Variants in RALYL observed in about 807,000 individuals in gnomAD.
RALYL encodes RALY RNA binding protein like, also known as RNA-binding Raly-like protein.
A neutral mutation model predicts 35.1 loss-of-function variants in RALYL; 29 were observed. The ratio of observed to expected loss-of-function variants is 0.83; its 90% confidence interval spans 0.61 to 1.13. RALYL has a LOEUF of 1.13. RALYL is among the 50% of genes most tolerant of loss of function. The probability of loss-of-function intolerance (pLI) is 0.00; values close to 1 mark genes in which losing one functional copy is unlikely to be tolerated. For synonymous variants in RALYL, 120 were observed against 127.6 expected, an observed-to-expected ratio of 0.94 and a Z score of 0.40; for missense variants, 359 against 360.4, an observed-to-expected ratio of 1.00 and a Z score of 0.03.
At chr8:84,810,219 TCC>T (rs1825605423) in intron 4 of RALYL, among the ~76,000 whole-genome samples, 1 of 152,182 alleles carries the variant, frequency 6.6e-6, no homozygotes, top group Admixed American at 6.5e-5. Context: ...TTTTTAAATT[TCC>T]ATCTTAATTT....
At chr8:84,802,761 C>A (rs919170847) in intron 3 of RALYL, among the ~76,000 whole-genome samples, 1 of 152,110 alleles carries the variant, frequency 6.6e-6, no homozygotes, top group Admixed American at 6.5e-5. Flanking sequence ...GCAGTACTTG[C>A]CCAAAGGAAG....
chr8:84,901,456 A>G (rs968585546), intron 8 of RALYL, among the ~76,000 whole-genome samples: 7 of 152,188 alleles, frequency 4.6e-5, no homozygotes, highest in African/African-American at 1.7e-4. Flanking sequence ...CAAGTAAAAA[A>G]CAAATCAAGA....
At chr8:84,387,696 T>C (rs993928579) in intron 1 of RALYL, among the ~76,000 whole-genome samples, 1 of 151,838 alleles carries the variant, frequency 6.6e-6, no homozygotes, top group East Asian at 2.0e-4. Context: ...ACAAAGGACA[T>C]ATTCGCTTTA....
At chr8:84,588,116 G>C (rs2130440004) in intron 2 of RALYL, among the ~76,000 whole-genome samples, 1 of 152,244 alleles carries the variant, frequency 6.6e-6, no homozygotes, top group African/African-American at 2.4e-5. Context: ...ACTCTCCTCA[G>C]CTGGTGAAGT....
At chr8:84,442,842 C>T (rs1426365705) in intron 1 of RALYL, among the ~76,000 whole-genome samples, 1 of 152,140 alleles carries the variant, frequency 6.6e-6, no homozygotes, top group African/African-American at 2.4e-5. Flanking sequence ...TGACAGCCAG[C>T]ATCTTCTGTT....
At chr8:84,322,361 GAACA>G (rs1245623899) in intron 1 of RALYL, among the ~76,000 whole-genome samples, 4 of 152,088 alleles carry the variant, frequency 2.6e-5, no homozygotes, top group Admixed American at 2.6e-4. Context: ...TAGGTAGGAG[GAACA>G]AAGAATAAAG....
intron 8 of RALYL, among the ~76,000 whole-genome samples, chr8:84,915,897 C>G (rs905421888): frequency 6.6e-6 from 1 of 152,022 alleles, no homozygotes; most frequent in Admixed American, 6.6e-5. Flanking sequence ...ATCTGTGTGT[C>G]TAGATGTTAA....
chr8:84,740,133 G>T (rs948246595), intron 2 of RALYL, among the ~76,000 whole-genome samples: 10 of 151,992 alleles, frequency 6.6e-5, no homozygotes, highest in Non-Finnish European at 1.5e-4. Context: ...AGATGGAAAA[G>T]TGTCTTTAAG....
At chr8:84,328,699 A>G (rs1404931676) in intron 1 of RALYL, among the ~76,000 whole-genome samples, 6 of 152,168 alleles carry the variant, frequency 3.9e-5, no homozygotes, top group Non-Finnish European at 7.3e-5. Context: ...TGGGATACAA[A>G]AGATCCTGTC....
chr8:84,859,638 C>A (rs1302873468), intron 5 of RALYL, among the ~76,000 whole-genome samples: 1 of 152,050 alleles, frequency 6.6e-6, no homozygotes, highest in East Asian at 1.9e-4. Flanking sequence ...TCACTTCAGT[C>A]CAAGAGTTCG....
At chr8:84,470,594 C>T (rs906484875) in intron 1 of RALYL, among the ~76,000 whole-genome samples, 4 of 152,034 alleles carry the variant, frequency 2.6e-5, no homozygotes, top group African/African-American at 9.7e-5. Flanking sequence ...TGATGTTTTA[C>T]TGACATTGTG....
intron 1 of RALYL, among the ~76,000 whole-genome samples, chr8:84,308,476 A>C (rs1328078504): frequency 6.6e-6 from 1 of 152,200 alleles, no homozygotes; most frequent in Non-Finnish European, 1.5e-5. Context: ...CAAATAACCA[A>C]ATGACCCACA....
chr8:84,618,279 T>C (rs1474781616), intron 2 of RALYL, among the ~76,000 whole-genome samples: 10 of 151,832 alleles, frequency 6.6e-5, no homozygotes, highest in South Asian at 2.1e-4. Context: ...GAGTCTGTTA[T>C]TGGTCTATTC....
intron 1 of RALYL, among the ~76,000 whole-genome samples, chr8:84,334,941 T>C (rs1213096831): frequency 6.6e-6 from 1 of 152,172 alleles, no homozygotes; most frequent in Non-Finnish European, 1.5e-5. Flanking sequence ...ATGCCTATCA[T>C]GGTAAAGGAA....
intron 1 of RALYL, among the ~76,000 whole-genome samples, chr8:84,480,640 T>C (rs1320649988): frequency 6.6e-6 from 1 of 152,020 alleles, no homozygotes; most frequent in Non-Finnish European, 1.5e-5. Context: ...CCAAGAAATG[T>C]GGTGATAAGA....
chr8:84,326,243 C>T (rs1845771120), intron 1 of RALYL, among the ~76,000 whole-genome samples: 1 of 152,092 alleles, frequency 6.6e-6, no homozygotes, highest in Non-Finnish European at 1.5e-5. Context: ...ATTACAATGC[C>T]AAAAATTTAA....
At chr8:84,851,075 T>G (rs2134815223) in intron 5 of RALYL, among the ~76,000 whole-genome samples, 1 of 152,330 alleles carries the variant, frequency 6.6e-6, no homozygotes, top group African/African-American at 2.4e-5. Context: ...GTATTATCAC[T>G]CTTCGATTCT....
intron 1 of RALYL, among the ~76,000 whole-genome samples, chr8:84,196,542 T>G (rs570915319): frequency 6.6e-6 from 1 of 152,336 alleles, no homozygotes; most frequent in Non-Finnish European, 1.5e-5. Flanking sequence ...AAATATTCTG[T>G]TTTTTGTGCT....
At chr8:84,556,436 T>C (rs1390494256) in intron 2 of RALYL, among the ~76,000 whole-genome samples, 2 of 151,918 alleles carry the variant, frequency 1.3e-5, no homozygotes, top group Non-Finnish European at 2.9e-5. Context: ...AGAGTTGGAG[T>C]CTTATTAAGG....
Sources: allele counts gnomAD v4.1 joint callset (sites outside exome capture counted in the v4.1 genomes callset), GRCh38; gene constraint gnomAD v4.1.1; transcripts MANE v1.5; gene names NCBI Gene and HGNC (gene_info 2026-07-23, HGNC 2026-07-21).